The following ZXDC variants were observed in gnomAD, a reference collection of about 807,000 sequenced individuals.
The protein encoded by ZXDC is ZXD family zinc finger C.
ZXDC carries 58 observed loss-of-function variants against 63.6 expected under a neutral mutation model. The observed-to-expected ratio is 0.91, with a 90% CI of 0.74 to 1.13. The LOEUF is 1.13. ZXDC is among the 50% of genes most tolerant of loss of function. ZXDC has a pLI of 0.00. For synonymous variants in ZXDC, 561 were observed against 496.1 expected, an observed-to-expected ratio of 1.13 and a Z score of -1.74; for missense variants, 1,133 against 1,148.9, an observed-to-expected ratio of 0.99 and a Z score of 0.20.
At position 126,475,342 on chromosome 3, in the gene ZXDC, T is replaced by C. The variant is rs1935153787; in HGVS notation, c.524A>G (p.Tyr175Cys). Residue 175 changes from tyrosine to cysteine, a missense_variant, in exon 1 of 10, where the codon TAC becomes TGC. Tyr to Cys is a radical substitution (Grantham distance 194, BLOSUM62 -2). Coordinates refer to ENST00000389709, the MANE Select transcript of ZXDC (RefSeq NM_025112.5). The part of the protein sequence containing the change: ...PQASGPSTPG[Y>C]RCPEPQCALA... ...CGCGCACTGCGGCTCGGGGCAGCGG[T>C]AGCCGGGCGTGCTGGGGCCGGAGGC... The C allele has an allele frequency of 1.3e-6, 2 of 1,521,628 alleles. No individual in the cohort carries two copies. The highest frequency in any genetic ancestry group is 8.8e-7 in the Non-Finnish European group (1 of 1,132,916). 94.3% of individuals were successfully genotyped at this position (1,521,628 alleles called of 1,614,324 possible).
intron 9 of ZXDC, among the ~76,000 whole-genome samples, 197 bp from the exon 10 acceptor site, chr3:126,438,658 A>G (rs1314253459): frequency 2.0e-5 from 3 of 152,250 alleles, no homozygotes; most frequent in African/African-American, 4.8e-5. Flanking sequence ...AAATTTTTCA[A>G]GATTGTTCTG....
rs1472339512 is a variant in ZXDC at position 126,475,645 on chromosome 3, G to A, written c.221C>T (p.Ser74Phe). ...PPAEDDSDGD[S>F]FLVLLEVPHG... ...CGGCACTTCCAGCAGCACCAAGAAA[G>A]AGTCGCCGTCGCTGTCGTCCTCGGC... is the stretch of plus-strand genomic sequence containing the variant. The change falls in exon 1 of 10, where the codon TCT (serine) becomes TTT (phenylalanine). Residue 74 changes from serine (S) to phenylalanine (F), a missense_variant. Coordinates refer to ENST00000389709, the MANE Select transcript of ZXDC (RefSeq NM_025112.5). 1 of 1,467,414 alleles carries A rather than the reference G, an allele frequency of 6.8e-7. No homozygotes were observed. Among genetic ancestry groups the A allele is most frequent in the Non-Finnish European group, 9.0e-7 (1 of 1,107,720 alleles). 90.9% of individuals were successfully genotyped at this position (1,467,414 alleles called of 1,614,324 possible).
In ZXDC at chr3:126,470,864, T is replaced by A. The variant is rs751840074; in HGVS notation, c.1270+31A>T. On this transcript the variant is annotated intron_variant, in intron 4 of 9. Transcript: ENST00000389709. ...GATAAATGTTGGCATTGCACTTAGTTTACTGCTCAAAGCAATGTTTTAAAA... is the reference window on the plus strand; with the variant it reads ...GATAAATGTTGGCATTGCACTTAGTATACTGCTCAAAGCAATGTTTTAAAA... 1.9e-6 allele frequency: 3 copies of A among 1,610,822 alleles called. No individual in the cohort carries two copies. The South Asian group carries it at 3.3e-5, about 18-fold the overall frequency.
intron 6 of ZXDC, chr3:126,461,115 A>C: frequency 8.1e-6 from 8 of 988,500 alleles, no homozygotes; most frequent in Non-Finnish European, 9.6e-6. Flanking sequence ...TAATTTTAAA[A>C]AAGAGTTTGG....
At chr3:126,474,836 A>G in intron 1 of ZXDC, 123 bp downstream of exon 1, 1 of 1,183,096 alleles carries the variant, frequency 8.5e-7, no homozygotes. Context: ...CTAGAATACA[A>G]ATCCCGAAGA....
At position 126,448,208 on chromosome 3, in the gene ZXDC, T is replaced by G. The variant is rs565817959; in HGVS notation, c.2213-6262A>C. Among the ~76,000 whole-genome samples, 6 of 152,376 alleles carry G rather than the reference T, an allele frequency of 3.9e-5. No individual in the cohort carries two copies. In the East Asian group the frequency reaches 7.7e-4, roughly 20 times the overall value. ...GTCAAGTTTTAGAACCAGGGTATGT[T>G]AGCTTTATACATTAAATTATTAGCT... is the stretch of plus-strand genomic sequence containing the variant. On this transcript the variant is annotated intron_variant, in intron 7 of 9. Transcript: ENST00000389709.
rs537676456 is a variant in ZXDC at position 126,458,263 on chromosome 3, G to A, written c.2212+1390C>T. 1.2e-3 allele frequency among the ~76,000 whole-genome samples: 165 copies of A among 138,264 alleles called. 1 individual carries two copies. Among genetic ancestry groups the A allele is most frequent in the African/African-American group, 4.3e-3 (158 of 36,760 alleles). The allele number at this position is 138,264 out of a possible 152,430, so 90.7% of individuals were successfully genotyped here. A position where few individuals can be genotyped will look rare whatever the true frequency, so the allele number is the denominator to read the frequency against. Reference sequence around the variant, plus strand: ...TTTTTTTTTTTTTTTTTGAAATGGAGTCTCACTCTGTCACCCAGGCTGGAG... The same window carrying A: ...TTTTTTTTTTTTTTTTTGAAATGGAATCTCACTCTGTCACCCAGGCTGGAG... On this transcript the variant is annotated intron_variant, in intron 7 of 9. Coordinates refer to ENST00000389709, the MANE Select transcript of ZXDC (RefSeq NM_025112.5).
At position 126,459,668 on chromosome 3, in the gene ZXDC, C is replaced by T. The variant is rs1391272659; in HGVS notation, c.2197G>A (p.Ala733Thr). 1.9e-6 allele frequency: 3 copies of T among 1,614,086 alleles called. No homozygotes were observed. In the Admixed American group the frequency reaches 5.0e-5, roughly 27 times the overall value. The part of the protein sequence containing the change: ...QLAKEKKQRG[A>T]GSNAGASQST... ...ACGGCCTCACCTGCATTGCTCCCCG[C>T]TCCTCTCTGCTTTTTTTCCTTGGCT... Residue 733 changes from alanine (A) to threonine (T), a missense_variant, in exon 7 of 10, where the codon GCG becomes ACG. Transcript: ENST00000389709.
intron 7 of ZXDC, chr3:126,451,750 C>A: frequency 1.0e-6 from 1 of 985,414 alleles, no homozygotes; most frequent in Middle Eastern, 5.2e-4. Flanking sequence ...CACGCTGTTA[C>A]TGGTGATCTG....
chr3:126,466,872 T>G (rs1432077068), intron 4 of ZXDC, among the ~76,000 whole-genome samples: 2 of 152,086 alleles, frequency 1.3e-5, no homozygotes, highest in Non-Finnish European at 2.9e-5. Context: ...AGTCCACTTA[T>G]GTCTCTGATC....
chr3:126,473,451 C>T (rs1178809585), intron 1 of ZXDC, among the ~76,000 whole-genome samples: 1 of 152,194 alleles, frequency 6.6e-6, no homozygotes, highest in East Asian at 1.9e-4. Flanking sequence ...CATCTCAACA[C>T]AAGAAGCCTC....
intron 6 of ZXDC, chr3:126,461,226 C>G: frequency 8.9e-7 from 1 of 1,121,604 alleles, no homozygotes; most frequent in Non-Finnish European, 1.1e-6. Flanking sequence ...CAAAGTATCT[C>G]AACATTACAA....
At chr3:126,457,439 TG>T (rs1356911466) in intron 7 of ZXDC, 2 of 985,292 alleles carry the variant, frequency 2.0e-6, no homozygotes, top group African/African-American at 3.5e-5. Context: ...CTGAGGCACC[TG>T]GAGGGGCTTT....
In ZXDC at chr3:126,439,556, G is replaced by C. The variant is rs1165605379; in HGVS notation, c.2490+76C>G. ...CGGCCTCAGTGACCAGCCTGCAGCT[G>C]TGAAGCCAGGCTTCTGGAAGTCGAA... On this transcript the variant is annotated intron_variant, in intron 9 of 9. Transcript: ENST00000389709. 5.8e-6 allele frequency: 9 copies of C among 1,549,824 alleles called. No homozygotes were observed. The Admixed American group carries it at 1.8e-4, about 30-fold the overall frequency.
At chr3:126,439,162 T>G (rs1449881779) in intron 9 of ZXDC, among the ~76,000 whole-genome samples, 1 of 152,236 alleles carries the variant, frequency 6.6e-6, no homozygotes, top group African/African-American at 2.4e-5. Context: ...TAAAACACAA[T>G]TTGCATGGCT....
intron 7 of ZXDC, among the ~76,000 whole-genome samples, chr3:126,447,642 T>C (rs1576665415): frequency 6.6e-6 from 1 of 152,186 alleles, no homozygotes; most frequent in African/African-American, 2.4e-5. Flanking sequence ...CCACTGAAAA[T>C]GCCACTGACA....
chr3:126,467,454 G>A (rs528036123), intron 4 of ZXDC, among the ~76,000 whole-genome samples: 2 of 152,304 alleles, frequency 1.3e-5, no homozygotes, highest in Admixed American at 6.5e-5. Context: ...CAAGTGGTGC[G>A]AGCAACGACG....
At chr3:126,461,085 T>G (rs1408992420) in intron 6 of ZXDC, 1 of 985,164 alleles carries the variant, frequency 1.0e-6, no homozygotes, top group Admixed American at 6.1e-5. Context: ...CCCCACCCTT[T>G]TTTTTTTTCT....
In ZXDC at chr3:126,461,812, A is replaced by G. The variant is rs1180914223; in HGVS notation, c.1850T>C (p.Met617Thr). 1 of 1,614,054 alleles carries G rather than the reference A, an allele frequency of 6.2e-7. No homozygotes were observed. ...GALGCLVALPMKNLSDDPLAL... is the reference protein window; with the variant it reads ...GALGCLVALPTKNLSDDPLAL... The stretch of plus-strand genomic sequence containing the variant: ...CAGTGGGTCGTCACTCAAGTTCTTC[A>G]TGGGCAGAGCCACCAGACAGCCTAA... Residue 617 changes from methionine to threonine, a missense_variant, in exon 6 of 10, where the codon ATG becomes ACG. Physicochemically the swap from Met to Thr is moderately conservative, Grantham distance 81. Transcript: ENST00000389709.
Sources: gnomAD v4.1 joint callset for allele counts (sites outside exome capture counted in the v4.1 genomes callset) on GRCh38, gnomAD v4.1.1 for gene constraint, MANE v1.5 for transcripts, NCBI Gene and HGNC (gene_info 2026-07-23, HGNC 2026-07-21) for gene names.